BRD4: variants seen among roughly 807,000 people sequenced by gnomAD.
The protein encoded by BRD4 is bromodomain containing 4.
In BRD4, 16 loss-of-function variants were observed where a neutral mutation model predicts 142.1. That is an observed-to-expected ratio of 0.11 (90% confidence interval 0.08 to 0.17). BRD4 has a LOEUF of 0.17. BRD4 is among the 10% of genes least tolerant of loss of function. The pLI is 1.00. For synonymous variants in BRD4, 833 were observed against 707.5 expected, an observed-to-expected ratio of 1.18 and a Z score of -2.82; for missense variants, 1,424 against 1,810.9, an observed-to-expected ratio of 0.79 and a Z score of 3.88.
chr19:15,249,072 C>CCAGG, intron 11 of BRD4: 1 of 728,612 alleles, frequency 1.4e-6, no homozygotes, highest in Admixed American at 2.7e-5. Context: ...GGGCGGCTGG[C>CCAGG]CAGGCAGGCA....
chr19:15,267,349 C>T (rs952036291), intron 4 of BRD4, 67 bp downstream of exon 4: 3 of 1,579,560 alleles, frequency 1.9e-6, no homozygotes, highest in Non-Finnish European at 2.6e-6. Context: ...CCCAGCCCCC[C>T]ACCAAACTTG....
intron 1 of BRD4, among the ~76,000 whole-genome samples, chr19:15,300,935 A>C (rs2047861944): frequency 6.6e-6 from 1 of 152,252 alleles, no homozygotes; most frequent in South Asian, 2.1e-4. Context: ...GCAGGTCTTT[A>C]ACCAAAAGAA....
chr19:15,265,175 T>C (rs761186867), intron 5 of BRD4, among the ~76,000 whole-genome samples, 179 bp downstream of exon 5: 2 of 152,092 alleles, frequency 1.3e-5, no homozygotes, highest in African/African-American at 4.8e-5. Context: ...GTGACACAAT[T>C]ATGGGACCTT....
Position 15,264,499 on chromosome 19 carries a change from C to A in BRD4, c.1117G>T (p.Ala373Ser), listed in dbSNP as rs1430073882. 2 of 1,613,768 alleles carry A rather than the reference C, an allele frequency of 1.2e-6. No individual in the cohort carries two copies. Among genetic ancestry groups the A allele is most frequent in the African/African-American group, 1.3e-5 (1 of 74,820 alleles). Residue 373 changes from alanine (A) to serine (S), a missense_variant, in exon 6 of 20, where the codon GCC becomes TCC. This residue lies in a region of BRD4 where 30 missense variants were observed against 65.2 expected (regional missense o/e 0.46). Coordinates refer to ENST00000679869, the MANE Select transcript of BRD4 (RefSeq NM_001379291.1). ...EMFAKKHAAY[A>S]WPFYKPVDVE... ...TCCACAGGCTTGTAGAAGGGCCAGG[C>A]GTAGGCGGCGTGCTTCTTGGCAAAC... is the stretch of plus-strand genomic sequence containing the variant.
At chr19:15,265,282 TG>T (rs2047519732) in intron 5 of BRD4, 71 bp downstream of exon 5, 1 of 1,365,674 alleles carries the variant, frequency 7.3e-7, no homozygotes, top group South Asian at 1.6e-5. Flanking sequence ...ACAGGCTCTG[TG>T]TAAAGCACGG....
intron 11 of BRD4, among the ~76,000 whole-genome samples, chr19:15,252,041 T>C (rs1300019830): frequency 6.6e-6 from 1 of 152,224 alleles, no homozygotes; most frequent in East Asian, 1.9e-4. Flanking sequence ...AGATTACTTG[T>C]TGCACAATCT....
chr19:15,278,124 A>C (rs1316740945), intron 1 of BRD4, among the ~76,000 whole-genome samples: 3 of 141,002 alleles, frequency 2.1e-5, no homozygotes, highest in Admixed American at 1.4e-4. Context: ...AAAAAAAAAA[A>C]AAAAAAAAAA....
At chr19:15,330,313 T>C (rs2048146017) in intron 1 of BRD4, among the ~76,000 whole-genome samples, 1 of 152,222 alleles carries the variant, frequency 6.6e-6, no homozygotes. Flanking sequence ...GATTAGGCTT[T>C]GCCTTCTCCA....
At chr19:15,312,099 G>A (rs755186999) in intron 1 of BRD4, among the ~76,000 whole-genome samples, 2 of 152,170 alleles carry the variant, frequency 1.3e-5, no homozygotes, top group African/African-American at 2.4e-5. Flanking sequence ...GGGTTCAGCC[G>A]ACATTCCTCA....
rs200039725 is a variant in BRD4 at position 15,264,645 on chromosome 19, C to T, written c.971G>A (p.Ser324Asn). Residue 324 changes from serine to asparagine, a missense_variant, in exon 6 of 20, where the codon AGC becomes AAC. Coordinates refer to ENST00000679869, the MANE Select transcript of BRD4 (RefSeq NM_001379291.1). ...KTTKLGQRRE[S>N]SRPVKPPKKD... is the part of the protein sequence containing the mutation. ...CTTTGGAGGTTTCACAGGCCGGCTG[C>T]TCTCCCGCCGCTGGCCCAGCTTGGT... The T allele has an allele frequency of 6.8e-6, 11 of 1,613,654 alleles. No individual in the cohort carries two copies. In the South Asian group the frequency reaches 1.2e-4, roughly 18 times the overall value.
At position 15,244,337 on chromosome 19, in the gene BRD4, C is replaced by G. The variant is rs778948524; in HGVS notation, c.2475G>C (p.Gln825His). The change falls in exon 13 of 20, where the codon CAG becomes CAC. Residue 825 changes from glutamine to histidine, a missense_variant. Gln to His is a conservative substitution (Grantham distance 24). Transcript: ENST00000679869. ...SVFDPIGHFT[Q>H]PILHLPQPEL... ...CAGGCTGCGGCAGGTGCAGGATGGG[C>G]TGGGTGAAGTGGCCGATGGGGTCAA... The G allele has an allele frequency of 6.2e-7, 1 of 1,601,172 alleles. No individual in the cohort carries two copies. Among genetic ancestry groups the G allele is most frequent in the African/African-American group, 1.3e-5 (1 of 74,828 alleles).
chr19:15,320,854 A>ACCAG (rs2048055378), intron 1 of BRD4, among the ~76,000 whole-genome samples: 7 of 152,242 alleles, frequency 4.6e-5, no homozygotes, highest in Non-Finnish European at 1.0e-4. Context: ...TTTTCCACTA[A>ACCAG]TTCTGGTTTA....
chr19:15,264,171 AG>A, intron 6 of BRD4: 1 of 494,738 alleles, frequency 2.0e-6, no homozygotes, highest in East Asian at 3.5e-5. Context: ...TCCTCAGACT[AG>A]GGGAAGGGGC....
intron 1 of BRD4, among the ~76,000 whole-genome samples, chr19:15,319,296 C>T (rs1476902257): frequency 1.3e-5 from 2 of 152,156 alleles, no homozygotes; most frequent in Non-Finnish European, 2.9e-5. Context: ...GAAACCCCAT[C>T]TCCACAAAAA....
chr19:15,249,928 G>A (rs1450067365), intron 11 of BRD4, among the ~76,000 whole-genome samples: 4 of 152,014 alleles, frequency 2.6e-5, no homozygotes, highest in Non-Finnish European at 4.4e-5. Flanking sequence ...TGTTGAGGAG[G>A]AGAAAAAAAA....
chr19:15,263,126 G>C (rs1048050933), intron 7 of BRD4, among the ~76,000 whole-genome samples: 1 of 152,178 alleles, frequency 6.6e-6, no homozygotes, highest in African/African-American at 2.4e-5. Context: ...ACTTGAGACA[G>C]GTGTGTTTTG....
chr19:15,242,242 C>T (rs181985587), intron 14 of BRD4, among the ~76,000 whole-genome samples: 2 of 152,350 alleles, frequency 1.3e-5, no homozygotes, highest in East Asian at 1.9e-4. Context: ...GGACCCTCCA[C>T]CCTAACCCTG....
In BRD4 at chr19:15,263,407, T is replaced by TCC; in HGVS notation, c.1341+11_1341+12dup. 6.2e-7 allele frequency: 1 copy of TCC among 1,612,854 alleles called. No individual in the cohort carries two copies. Among genetic ancestry groups the TCC allele is most frequent in the Non-Finnish European group, 8.5e-7 (1 of 1,178,940 alleles). On this transcript the variant is annotated intron_variant, in intron 7 of 19. Transcript: ENST00000679869. ...TGCTCTGCTGAGGGTGGCTGCGCCC[T>TCC]CCCAAGCCTCACCTGGAGCTTGCGG...
intron 1 of BRD4, among the ~76,000 whole-genome samples, chr19:15,324,302 G>A (rs2048089631): frequency 6.6e-6 from 1 of 152,214 alleles, no homozygotes; most frequent in African/African-American, 2.4e-5. Context: ...TTAATTTGAA[G>A]CTAATGCTTA....
Sources: allele counts gnomAD v4.1 joint callset (sites outside exome capture counted in the v4.1 genomes callset), GRCh38; gene constraint gnomAD v4.1.1; regional missense constraint gnomAD v4.1.1; transcripts MANE v1.5; gene names NCBI Gene and HGNC (gene_info 2026-07-23, HGNC 2026-07-21).